The following ZFAND3 variants were observed in gnomAD, a reference collection of about 807,000 sequenced individuals.
ZFAND3 encodes zinc finger AN1-type containing 3.
ZFAND3 carries 10 observed loss-of-function variants against 29.6 expected under a neutral mutation model. The observed-to-expected ratio is 0.34, with a 90% confidence interval of 0.21 to 0.57. ZFAND3 has a LOEUF of 0.57. Ranked by LOEUF, ZFAND3 falls within the 20% of genes least tolerant of loss-of-function variation. The pLI is 0.86. For missense variants in ZFAND3, 230 were observed against 304.5 expected, an observed-to-expected ratio of 0.76 and a Z score of 1.82; for synonymous variants, 128 against 112.6, an observed-to-expected ratio of 1.14 and a Z score of -0.87.
intron 5 of ZFAND3, among the ~76,000 whole-genome samples, chr6:38,122,144 C>T (rs560198969): frequency 6.6e-6 from 1 of 152,190 alleles, no homozygotes; most frequent in South Asian, 2.1e-4. Flanking sequence ...TACAGTTGTC[C>T]CCTGGTATCT....
intron 2 of ZFAND3, among the ~76,000 whole-genome samples, chr6:37,936,044 G>GTTTA (rs894863941): frequency 3.3e-5 from 5 of 152,102 alleles, no homozygotes; most frequent in African/African-American, 1.2e-4. Flanking sequence ...GTTGACCAGT[G>GTTTA]TTTAATATTT....
intron 1 of ZFAND3, among the ~76,000 whole-genome samples, chr6:37,887,139 T>C (rs1303625336): frequency 2.0e-5 from 3 of 152,354 alleles, no homozygotes; most frequent in Non-Finnish European, 2.9e-5. Context: ...TGTTGTGATA[T>C]AATGAATAAA....
intron 5 of ZFAND3, among the ~76,000 whole-genome samples, chr6:38,126,723 T>G (rs1432802263): frequency 6.6e-6 from 1 of 152,160 alleles, no homozygotes; most frequent in African/African-American, 2.4e-5. Context: ...GTTCACACTT[T>G]AAAATTTTAA....
At chr6:37,873,024 C>T (rs562082908) in intron 1 of ZFAND3, among the ~76,000 whole-genome samples, 8 of 152,190 alleles carry the variant, frequency 5.3e-5, no homozygotes, top group African/African-American at 9.6e-5. Flanking sequence ...TTTGGGAGGC[C>T]GAGGTGGGTG....
chr6:37,981,722 A>G (rs1025337704), intron 2 of ZFAND3, among the ~76,000 whole-genome samples: 1 of 152,204 alleles, frequency 6.6e-6, no homozygotes, highest in Non-Finnish European at 1.5e-5. Context: ...TAGAAGGTCA[A>G]CATGAGTTGT....
chr6:38,030,038 T>C (rs1487911373), intron 2 of ZFAND3, among the ~76,000 whole-genome samples: 1 of 141,852 alleles, frequency 7.0e-6, no homozygotes, highest in Admixed American at 7.1e-5. Context: ...TTTCTTGTTA[T>C]GTAGTTCTGC....
At chr6:38,009,836 G>A (rs1763115245) in intron 2 of ZFAND3, among the ~76,000 whole-genome samples, 2 of 152,256 alleles carry the variant, frequency 1.3e-5, no homozygotes, top group East Asian at 1.9e-4. Flanking sequence ...TTAACAAATA[G>A]GTTAGAGTTA....
chr6:38,082,334 A>G, intron 3 of ZFAND3, 58 bp from the exon 4 acceptor site: 1 of 1,471,976 alleles, frequency 6.8e-7, no homozygotes, highest in Non-Finnish European at 9.3e-7. Context: ...CAGGAAAGCA[A>G]CTATATGGGC....
intron 2 of ZFAND3, among the ~76,000 whole-genome samples, chr6:37,996,715 T>G (rs1304419305): frequency 6.6e-6 from 1 of 152,226 alleles, no homozygotes; most frequent in African/African-American, 2.4e-5. Flanking sequence ...TAAATCATTT[T>G]CTGTATATTT....
chr6:37,875,693 A>G lies in ZFAND3; in HGVS notation c.72-54266A>G, dbSNP rs977483228. ...ATTGTGTTGTCAGGCTGGTCTTGCT[A>G]TGTTGCCCAGGCTGGAGTGCAGTGG... is the stretch of plus-strand genomic sequence containing the variant. On this transcript the variant is annotated intron_variant, in intron 1 of 5. Transcript: ENST00000287218. 8.0e-5 allele frequency among the ~76,000 whole-genome samples: 12 copies of G among 149,600 alleles called. No homozygotes were observed. In the South Asian group the frequency reaches 1.5e-3, roughly 18 times the overall value.
In ZFAND3 at chr6:38,154,004, C is replaced by G. The variant is rs371014236; in HGVS notation, c.*1615C>G. ...GATCCGACGTACTGAAATAGGAAGT[C>G]ATGCTCTTCCCACCCTCCACCCACC... On this transcript the variant is annotated 3_prime_UTR_variant, in exon 6 of 6. Transcript: ENST00000287218. The G allele has an allele frequency of 3.1e-5, 31 of 985,528 alleles. No individual in the cohort carries two copies. The East Asian group carries it at 2.5e-3, about 79-fold the overall frequency. 61.0% of individuals were successfully genotyped at this position (985,528 alleles called of 1,614,324 possible). A position where few individuals can be genotyped will look rare whatever the true frequency, so the allele number is the denominator to read the frequency against.
intron 1 of ZFAND3, among the ~76,000 whole-genome samples, chr6:37,846,398 C>T (rs779748416): frequency 6.6e-6 from 1 of 152,142 alleles, no homozygotes; most frequent in South Asian, 2.1e-4. Context: ...TTAAGTCCAA[C>T]CTGGAGAACA....
At position 37,819,957 on chromosome 6, in the gene ZFAND3, T is replaced by C; in HGVS notation, c.12T>C (p.Ala4=). Residue 4 remains alanine, a synonymous_variant, in exon 1 of 6, where the codon GCT becomes GCC. Transcript: ENST00000287218. MGD[A]GSERSKAPSL... ...CGCCGCCGAGCACCATGGGAGACGC[T>C]GGGAGCGAGCGCAGCAAAGCGCCCA... 8.2e-7 allele frequency: 1 copy of C among 1,217,192 alleles called. No homozygotes were observed. The highest frequency in any genetic ancestry group is 3.9e-5 in the South Asian group (1 of 25,696). The allele number at this position is 1,217,192 out of a possible 1,614,324, so 75.4% of individuals were successfully genotyped here. A position where few individuals can be genotyped will look rare whatever the true frequency, so the allele number is the denominator to read the frequency against.
intron 5 of ZFAND3, among the ~76,000 whole-genome samples, chr6:38,120,791 G>C (rs1334646959): frequency 2.0e-5 from 3 of 152,128 alleles, no homozygotes; most frequent in African/African-American, 7.2e-5. Flanking sequence ...TTAACCTCCT[G>C]AGTAATCTGA....
chr6:37,986,546 C>A (rs2127434280), intron 2 of ZFAND3, among the ~76,000 whole-genome samples: 1 of 152,190 alleles, frequency 6.6e-6, no homozygotes, highest in Non-Finnish European at 1.5e-5. Context: ...TTTTTTTATC[C>A]TTAGTTTAGT....
Position 37,896,550 on chromosome 6 carries a change from CTT to C in ZFAND3, c.72-33407_72-33406del, listed in dbSNP as rs1205754146. Among the ~76,000 whole-genome samples, 14 of 126,018 alleles carry C rather than the reference CTT, an allele frequency of 1.1e-4. No homozygotes were observed. In the East Asian group the frequency reaches 2.5e-3, roughly 23 times the overall value. 82.7% of individuals were successfully genotyped at this position (126,018 alleles called of 152,430 possible). A position where few individuals can be genotyped will look rare whatever the true frequency, so the allele number is the denominator to read the frequency against. ...TCTTTCTTTCTTTCTTTCTTTCTTT[CTT>C]TCTTTCTTTCTTTCTTTCTCTCTTT... On this transcript the variant is annotated intron_variant, in intron 1 of 5. Transcript: ENST00000287218.
At chr6:38,108,931 TTTCTA>T (rs1765260380) in intron 4 of ZFAND3, among the ~76,000 whole-genome samples, 1 of 152,184 alleles carries the variant, frequency 6.6e-6, no homozygotes, top group African/African-American at 2.4e-5. Flanking sequence ...TCATTAACCT[TTTCTA>T]TATGTTTGAA....
At chr6:37,939,431 A>T (rs2127416409) in intron 2 of ZFAND3, among the ~76,000 whole-genome samples, 1 of 152,232 alleles carries the variant, frequency 6.6e-6, no homozygotes, top group Middle Eastern at 3.4e-3. Flanking sequence ...GCTCAGTCTT[A>T]TCCCGGATTA....
intron 1 of ZFAND3, among the ~76,000 whole-genome samples, chr6:37,891,720 T>C (rs566913169): frequency 1.3e-5 from 2 of 152,168 alleles, no homozygotes; most frequent in South Asian, 2.1e-4. Context: ...AACAACAAAG[T>C]ATACATTATT....
Sources: gnomAD v4.1 joint callset for allele counts (sites outside exome capture counted in the v4.1 genomes callset) on GRCh38, gnomAD v4.1.1 for gene constraint, MANE v1.5 for transcripts, NCBI Gene and HGNC (gene_info 2026-07-23, HGNC 2026-07-21) for gene names.